LTAP1: variants seen among roughly 807,000 people sequenced by gnomAD.
The protein encoded by LTAP1 is lipid transport auxiliary protein 1, also known as HCV NS5A-transactivated protein 4.
chr1:154,208,887 G>C, the LTAP1 span, among the ~76,000 whole-genome samples: 5 of 152,096 alleles, frequency 3.3e-5, no homozygotes, highest in Admixed American at 1.3e-4. Context: ...GCTGGGGATT[G>C]CAGGTGCATA....
At chr1:154,215,481 G>C in the LTAP1 span, among the ~76,000 whole-genome samples, 1 of 151,494 alleles carries the variant, frequency 6.6e-6, no homozygotes, top group Non-Finnish European at 1.5e-5. Context: ...CAGGAGAATG[G>C]CGTGAACCCG....
chr1:154,207,204 G>C, the LTAP1 span: 1 of 391,078 alleles, frequency 2.6e-6, no homozygotes, highest in Non-Finnish European at 4.6e-6. Flanking sequence ...AATAACACCT[G>C]AATGCAAATC....
At chr1:154,216,720 T>A in the LTAP1 span, among the ~76,000 whole-genome samples, 1 of 151,952 alleles carries the variant, frequency 6.6e-6, no homozygotes, top group Admixed American at 6.6e-5. Context: ...CTCACCATGC[T>A]CGCCAGGCTG....
At chr1:154,220,293 C>G in the LTAP1 span, 1 of 1,606,658 alleles carries the variant, frequency 6.2e-7, no homozygotes, top group Non-Finnish European at 8.5e-7. Flanking sequence ...AGGAGGGTCT[C>G]TACTGGGTAA....
the LTAP1 span, chr1:154,211,830 G>A: frequency 6.4e-6 from 1 of 157,298 alleles, no homozygotes; most frequent in Non-Finnish European, 1.4e-5. Flanking sequence ...TCTTTTACTA[G>A]CTTGTATAGT....
chr1:154,210,506 C>A, the LTAP1 span, among the ~76,000 whole-genome samples: 4 of 152,208 alleles, frequency 2.6e-5, no homozygotes, highest in African/African-American at 9.6e-5. Context: ...GAGATGGAGT[C>A]TCGCTCTGTC....
chr1:154,207,653 A>C, the LTAP1 span: 2 of 1,593,032 alleles, frequency 1.3e-6, no homozygotes, highest in Non-Finnish European at 1.7e-6. Flanking sequence ...TTAACCCTGA[A>C]GAACAGAGAG....
At chr1:154,210,240 T>G in the LTAP1 span, among the ~76,000 whole-genome samples, 1 of 152,108 alleles carries the variant, frequency 6.6e-6, no homozygotes, top group African/African-American at 2.4e-5. Flanking sequence ...GGTTTTGTCA[T>G]GTTGGCCAGG....
At chr1:154,220,287 G>C in the LTAP1 span, 1 of 1,596,386 alleles carries the variant, frequency 6.3e-7, no homozygotes, top group African/African-American at 1.3e-5. Context: ...CTCAAAAGGA[G>C]GGTCTCTACT....
At chr1:154,219,672 G>A in the LTAP1 span, among the ~76,000 whole-genome samples, 1 of 152,230 alleles carries the variant, frequency 6.6e-6, no homozygotes, top group Non-Finnish European at 1.5e-5. Flanking sequence ...GAGCAGGTAA[G>A]CCAAGTTCCA....
At chr1:154,220,170 G>T in the LTAP1 span, 1 of 855,200 alleles carries the variant, frequency 1.2e-6, no homozygotes, top group Non-Finnish European at 1.9e-6. Flanking sequence ...ACTAACGAGG[G>T]CGGGTCGGCC....
chr1:154,212,400 G>A, the LTAP1 span: 11 of 1,613,960 alleles, frequency 6.8e-6, no homozygotes, highest in East Asian at 2.2e-5. Context: ...GAAAGGAAGA[G>A]TGAGGATCTC....
chr1:154,212,843 G>C, the LTAP1 span: 3 of 521,188 alleles, frequency 5.8e-6, no homozygotes, highest in Non-Finnish European at 1.0e-5. Context: ...TGTATTTTTA[G>C]TAGAGACAAA....
chr1:154,218,162 A>G, the LTAP1 span, among the ~76,000 whole-genome samples: 4 of 152,214 alleles, frequency 2.6e-5, no homozygotes, highest in African/African-American at 9.6e-5. Flanking sequence ...CAATGCCCCT[A>G]TAAATAATCT....
the LTAP1 span, chr1:154,219,719 G>A: frequency 1.3e-6 from 1 of 790,298 alleles, no homozygotes; most frequent in South Asian, 1.8e-5. Flanking sequence ...TAAGTACAAG[G>A]ACAAGTGCAC....
chr1:154,220,153 G>T, the LTAP1 span: 1 of 783,190 alleles, frequency 1.3e-6, no homozygotes, highest in Non-Finnish European at 2.1e-6. Context: ...TAAAGGGAGG[G>T]TTCTAGACTA....
chr1:154,214,651 T>G, the LTAP1 span: 21 of 858,178 alleles, frequency 2.4e-5, no homozygotes, highest in Non-Finnish European at 3.4e-5. Context: ...GGGGCAGAGT[T>G]AATGAATAAC....
chr1:154,219,894 C>T, the LTAP1 span: 2 of 1,613,864 alleles, frequency 1.2e-6, no homozygotes, highest in Non-Finnish European at 1.7e-6. Context: ...CATTGCAAAG[C>T]GCATGATTTG....
the LTAP1 span, among the ~76,000 whole-genome samples, chr1:154,214,908 A>C: frequency 6.6e-6 from 1 of 150,566 alleles, no homozygotes; most frequent in East Asian, 2.0e-4. Context: ...GCAGTGGCGC[A>C]ATCTCAGTTC....
Sources: allele counts gnomAD v4.1 joint callset (sites outside exome capture counted in the v4.1 genomes callset), GRCh38; gene constraint gnomAD v4.1.1; transcripts MANE v1.5; gene names NCBI Gene and HGNC (gene_info 2026-07-23, HGNC 2026-07-21).